Variants in OPCML observed in about 807,000 individuals in gnomAD.
OPCML encodes the protein opioid binding protein/cell adhesion molecule like.
In OPCML, 13 loss-of-function variants were observed where a neutral mutation model predicts 37.8. The observed-to-expected ratio is 0.34, with a 90% confidence interval of 0.22 to 0.55. The LOEUF (loss-of-function observed/expected upper bound fraction) is 0.55. Ranked by LOEUF, OPCML falls within the 20% of genes least tolerant of loss-of-function variation. The pLI is 0.91. For synonymous variants in OPCML, 176 were observed against 168.8 expected, an observed-to-expected ratio of 1.04 and a Z score of -0.33; for missense variants, 341 against 435.6, an observed-to-expected ratio of 0.78 and a Z score of 1.93.
chr11:133,442,725 A>ATGTGTGTG (rs1286173805), intron 1 of OPCML, among the ~76,000 whole-genome samples: 1 of 94,280 alleles, frequency 1.1e-5, no homozygotes, highest in Non-Finnish European at 2.2e-5. Context: ...ACATATTTAA[A>ATGTGTGTG]CGTGTGTGTG....
At chr11:132,622,947 C>T (rs1939510413) in intron 3 of OPCML, among the ~76,000 whole-genome samples, 1 of 152,078 alleles carries the variant, frequency 6.6e-6, no homozygotes, top group African/African-American at 2.4e-5. Context: ...TCTCTTTGAC[C>T]CTCAACTTCC....
chr11:133,407,191 A>T (rs1945544690), intron 1 of OPCML, among the ~76,000 whole-genome samples: 1 of 152,204 alleles, frequency 6.6e-6, no homozygotes, highest in Non-Finnish European at 1.5e-5. Flanking sequence ...CATAGAATAA[A>T]TTCTGGCATT....
chr11:133,497,101 T>C (rs1442290210), intron 1 of OPCML, among the ~76,000 whole-genome samples: 2 of 152,240 alleles, frequency 1.3e-5, no homozygotes, highest in African/African-American at 4.8e-5. Flanking sequence ...CTGAGAGTTT[T>C]AATCATAAAG....
At chr11:133,295,874 A>G (rs1565555776) in intron 1 of OPCML, among the ~76,000 whole-genome samples, 1 of 152,256 alleles carries the variant, frequency 6.6e-6, no homozygotes, top group Admixed American at 6.5e-5. Context: ...ATCACAGTCA[A>G]TAGTGCTATA....
Position 133,236,778 on chromosome 11 carries a change from T to C in OPCML, c.62-293768A>G, listed in dbSNP as rs537656886. 5.9e-5 allele frequency among the ~76,000 whole-genome samples: 9 copies of C among 152,350 alleles called. 1 individual carries two copies. The highest frequency in any genetic ancestry group is 2.2e-4 in the African/African-American group (9 of 41,576). On this transcript the variant is annotated intron_variant, in intron 1 of 7. Coordinates refer to ENST00000524381, the MANE Select transcript of OPCML (RefSeq NM_001012393.5). The stretch of plus-strand genomic sequence containing the variant: ...AGCATTCTACAAGTTACTTCCTCCT[T>C]CCTTTGTTCTCCTCTACTTTTGCCT...
chr11:133,076,529 T>C (rs1948623023), intron 1 of OPCML, among the ~76,000 whole-genome samples: 2 of 152,168 alleles, frequency 1.3e-5, no homozygotes, highest in African/African-American at 4.8e-5. Flanking sequence ...TAGGCCAGAA[T>C]TGGCTGTGAA....
At chr11:133,310,487 T>C (rs73602406) in intron 1 of OPCML, among the ~76,000 whole-genome samples, 7,385 of 152,268 alleles carry the variant, frequency 0.049, 202 homozygotes, top group Middle Eastern at 0.065. Flanking sequence ...CTTTATGGCA[T>C]AAGGTCAGGT....
intron 2 of OPCML, among the ~76,000 whole-genome samples, chr11:132,801,265 T>C (rs1015234372): frequency 3.3e-5 from 5 of 152,238 alleles, no homozygotes; most frequent in African/African-American, 4.8e-5. Flanking sequence ...TTTTGGTAAT[T>C]TGAGTCTTCT....
intron 1 of OPCML, among the ~76,000 whole-genome samples, chr11:133,317,585 C>T (rs1475032003): frequency 6.6e-6 from 1 of 152,146 alleles, no homozygotes; most frequent in South Asian, 2.1e-4. Context: ...TCGTAGTAGT[C>T]GCAACGGAGT....
chr11:133,511,745 A>G (rs1192481437), intron 1 of OPCML, among the ~76,000 whole-genome samples: 1 of 151,702 alleles, frequency 6.6e-6, no homozygotes, highest in Non-Finnish European at 1.5e-5. Flanking sequence ...TTGTTCTAAC[A>G]TACTATAAAA....
At chr11:132,515,378 C>G (rs2096277433) in intron 4 of OPCML, among the ~76,000 whole-genome samples, 2 of 152,118 alleles carry the variant, frequency 1.3e-5, no homozygotes, top group African/African-American at 2.4e-5. Context: ...ACTTTGCAGG[C>G]TACAAGGAGG....
chr11:132,823,594 A>G (rs1297763702), intron 2 of OPCML, among the ~76,000 whole-genome samples: 1 of 151,886 alleles, frequency 6.6e-6, no homozygotes, highest in African/African-American at 2.4e-5. Context: ...AAATAAAACA[A>G]ACAAACAAAC....
intron 2 of OPCML, among the ~76,000 whole-genome samples, chr11:132,925,554 C>T (rs1944959503): frequency 6.6e-6 from 1 of 152,170 alleles, no homozygotes; most frequent in African/African-American, 2.4e-5. Flanking sequence ...TATGGGGACT[C>T]CGCAAGGACT....
intron 1 of OPCML, among the ~76,000 whole-genome samples, chr11:133,235,634 G>A (rs554322047): frequency 6.6e-6 from 1 of 152,290 alleles, no homozygotes; most frequent in South Asian, 2.1e-4. Context: ...AAGAGGTAAA[G>A]CTGTTAGGAA....
At chr11:133,175,611 C>A (rs987341005) in intron 1 of OPCML, among the ~76,000 whole-genome samples, 1 of 149,320 alleles carries the variant, frequency 6.7e-6, no homozygotes, top group Admixed American at 6.7e-5. Flanking sequence ...AAGGAAAGGA[C>A]AGAAAAGGAC....
intron 1 of OPCML, among the ~76,000 whole-genome samples, chr11:133,374,085 C>T (rs1304820862): frequency 3.3e-5 from 5 of 152,086 alleles, no homozygotes; most frequent in Admixed American, 2.0e-4. Context: ...CTGTAATAGC[C>T]GAAACCTGTA....
intron 1 of OPCML, among the ~76,000 whole-genome samples, chr11:133,442,250 A>T (rs1946379170): frequency 6.6e-6 from 1 of 152,138 alleles, no homozygotes; most frequent in South Asian, 2.1e-4. Context: ...TTGTTTTTTC[A>T]GTCATCAAAT....
At chr11:133,084,083 G>C (rs776935916) in intron 1 of OPCML, among the ~76,000 whole-genome samples, 6 of 151,676 alleles carry the variant, frequency 4.0e-5, no homozygotes, top group Admixed American at 1.3e-4. Context: ...TTTTTTAACT[G>C]GCAAGCGGAG....
chr11:133,228,602 C>T (rs966361571), intron 1 of OPCML, among the ~76,000 whole-genome samples: 2 of 152,234 alleles, frequency 1.3e-5, no homozygotes, highest in African/African-American at 2.4e-5. Flanking sequence ...GCCGGGCCTC[C>T]CCGTCCTAGA....
Sources: allele counts gnomAD v4.1 joint callset (sites outside exome capture counted in the v4.1 genomes callset), GRCh38; gene constraint gnomAD v4.1.1; transcripts MANE v1.5; gene names NCBI Gene and HGNC (gene_info 2026-07-23, HGNC 2026-07-21).